The following HERC4 variants were observed in gnomAD, a reference collection of about 807,000 sequenced individuals.
HERC4 encodes the protein probable E3 ubiquitin-protein ligase HERC4.
A neutral mutation model predicts 124.3 loss-of-function variants in HERC4; 28 were observed. The ratio of observed to expected loss-of-function variants is 0.23; its 90% CI spans 0.17 to 0.31. HERC4 has a LOEUF of 0.31. HERC4 is among the 10% of genes least tolerant of loss of function. The probability of loss-of-function intolerance (pLI) is 1.00; values close to 1 mark genes in which losing one functional copy is unlikely to be tolerated. For synonymous variants in HERC4, 407 were observed against 421.5 expected, an observed-to-expected ratio of 0.97 and a Z score of 0.42; for missense variants, 713 against 1,229.3, an observed-to-expected ratio of 0.58 and a Z score of 6.28.
At position 67,932,788 on chromosome 10, in the gene HERC4, T is replaced by A; in HGVS notation, c.2655-8A>T. Reference sequence around the variant, plus strand: ...GCATCGACAAACTCTTGCCTAGAAATGAAAAAGCACACATGTACAGATTAT... The same window carrying A: ...GCATCGACAAACTCTTGCCTAGAAAAGAAAAAGCACACATGTACAGATTAT... On this transcript the variant is annotated splice_region_variant and splice_polypyrimidine_tract_variant and intron_variant, in intron 22 of 24. Transcript: ENST00000373700. 1 of 1,586,042 alleles carries A rather than the reference T, an allele frequency of 6.3e-7. No homozygotes were observed. The highest frequency in any genetic ancestry group is 8.5e-7 in the Non-Finnish European group (1 of 1,172,964).
chr10:68,032,626 T>A (rs1220783960), intron 7 of HERC4, 152 bp downstream of exon 7: 6 of 545,452 alleles, frequency 1.1e-5, no homozygotes, highest in Non-Finnish European at 2.0e-5. Flanking sequence ...TAAATTTTTT[T>A]CAAGAATAAT....
rs2034020006 is a variant in HERC4 at position 67,954,615 on chromosome 10, G to A, written c.2317C>T (p.Leu773Phe). 1.1e-5 allele frequency: 18 copies of A among 1,612,198 alleles called. No individual in the cohort carries two copies. In the South Asian group the frequency reaches 1.7e-4, roughly 15 times the overall value. ...TTTACCTTATCAGAAAACCAAATGA[G>A]CCTGGAATCTTCATAATACCTAAAC... ...GMFRYYEDSR[L>F]IWFSDKTFED... The change falls in exon 19 of 25, where the codon CTC (leucine) becomes TTC (phenylalanine). Residue 773 changes from leucine (L) to phenylalanine (F), a missense_variant. By Grantham distance (22) the Leu-to-Phe change is conservative (BLOSUM62 0). Coordinates refer to ENST00000373700, the MANE Select transcript of HERC4 (RefSeq NM_015601.4).
At chr10:68,054,975 T>C (rs1379198768) in intron 3 of HERC4, among the ~76,000 whole-genome samples, 1 of 152,146 alleles carries the variant, frequency 6.6e-6, no homozygotes. Flanking sequence ...CAGGCTGGAG[T>C]GCAGTGGCAC....
At chr10:68,022,500 AAAATAAATAAATAAATAAATAAAT>A (rs34560535) in intron 8 of HERC4, among the ~76,000 whole-genome samples, 2 of 143,916 alleles carry the variant, frequency 1.4e-5, no homozygotes, top group African/African-American at 5.2e-5. Context: ...ACTCCATCTC[AAAATAAATAAATAAATAAATAAAT>A]AAATAAATAA....
chr10:67,941,156 A>C, intron 19 of HERC4, 51 bp from the exon 20 acceptor site: 1 of 1,260,096 alleles, frequency 7.9e-7, no homozygotes, highest in Non-Finnish European at 1.1e-6. Context: ...AAAATATTAA[A>C]TTTTCTAAGA....
chr10:68,072,072 A>C lies in HERC4; in HGVS notation c.226+811T>G, dbSNP rs80000001. 9.3e-4 allele frequency among the ~76,000 whole-genome samples: 142 copies of C among 152,352 alleles called. 1 individual carries two copies. The East Asian group carries it at 0.016, about 17-fold the overall frequency. ...CTGAAGTGCCATTATTGTTACAGTT[A>C]AAATAAACAGTAAGTCAGTATAGCT... On this transcript the variant is annotated intron_variant, in intron 3 of 24. Coordinates refer to ENST00000373700, the MANE Select transcript of HERC4 (RefSeq NM_015601.4).
rs781112024 is a variant in HERC4 at position 67,925,095 on chromosome 10, T to C, written c.2931A>G (p.Lys977=). The change falls in exon 24 of 25, where the codon AAA becomes AAG. Residue 977 remains lysine (K), a synonymous_variant. Transcript: ENST00000373700. ...GTTAGAAATACTTACACAGAAACTG[T>C]TTCTTCTTTTCCAATGGTAATTCGT... ...VFHELPLEKK[K]QFLLFLTGSD... The C allele has an allele frequency of 6.4e-7, 1 of 1,566,404 alleles. No individual in the cohort carries two copies. The highest frequency in any genetic ancestry group is 1.1e-5 in the South Asian group (1 of 89,852).
chr10:68,073,194 A>T lies in HERC4; in HGVS notation c.-78-8T>A. 4.1e-6 allele frequency: 4 copies of T among 986,290 alleles called. No homozygotes were observed. The highest frequency in any genetic ancestry group is 6.1e-6 in the Non-Finnish European group (4 of 656,364). 61.1% of individuals were successfully genotyped at this position (986,290 alleles called of 1,614,324 possible). On this transcript the variant is annotated splice_polypyrimidine_tract_variant and splice_region_variant and intron_variant, in intron 2 of 24. Coordinates refer to ENST00000373700, the MANE Select transcript of HERC4 (RefSeq NM_015601.4). Reference sequence around the variant, plus strand: ...GTTGGAGGTACCCTATGTCTGAGGAAATAGAAAGAAGTTAATATGACTTCA... The same window carrying T: ...GTTGGAGGTACCCTATGTCTGAGGATATAGAAAGAAGTTAATATGACTTCA...
In HERC4 at chr10:68,072,767, C is replaced by T. The variant is rs186857526; in HGVS notation, c.226+116G>A. On this transcript the variant is annotated intron_variant, in intron 3 of 24. Transcript: ENST00000373700. ...ATATAATGGAAATACATAACTTCTACTTTGCTTTTAAAGCTTGATAAACAT... is the reference window on the plus strand; with the variant it reads ...ATATAATGGAAATACATAACTTCTATTTTGCTTTTAAAGCTTGATAAACAT... The T allele has an allele frequency of 5.9e-3, 3,892 of 659,946 alleles. 21 individuals carry two copies. Among genetic ancestry groups the T allele is most frequent in the Non-Finnish European group, 7.7e-3 (3,151 of 407,626 alleles). 40.9% of individuals were successfully genotyped at this position (659,946 alleles called of 1,614,324 possible).
intron 8 of HERC4, among the ~76,000 whole-genome samples, chr10:68,017,473 GTAAATAA>G (rs953775061): frequency 8.4e-4 from 128 of 152,258 alleles, no homozygotes; most frequent in African/African-American, 3.0e-3. Context: ...TAAATTTTAT[GTAAATAA>G]GTTTATTTAT....
intron 3 of HERC4, among the ~76,000 whole-genome samples, chr10:68,071,452 A>G (rs1051546777): frequency 6.6e-6 from 1 of 152,352 alleles, no homozygotes; most frequent in African/African-American, 2.4e-5. Context: ...AGAAATTATT[A>G]AAGTAATACA....
chr10:67,924,269 A>G (rs1023165927), intron 24 of HERC4, among the ~76,000 whole-genome samples: 1 of 152,206 alleles, frequency 6.6e-6, no homozygotes. Context: ...TTTACATTGT[A>G]TGAGGTATTA....
intron 3 of HERC4, among the ~76,000 whole-genome samples, chr10:68,065,663 C>A (rs1444651809): frequency 6.6e-6 from 1 of 152,066 alleles, no homozygotes; most frequent in East Asian, 1.9e-4. Flanking sequence ...ACTTCGAGAC[C>A]AGCTTGGGCA....
intron 8 of HERC4, among the ~76,000 whole-genome samples, chr10:68,015,103 A>C (rs913239514): frequency 2.0e-5 from 3 of 152,224 alleles, no homozygotes; most frequent in African/African-American, 7.2e-5. Context: ...CCTAATCTAT[A>C]GCTTGCTTTG....
intron 8 of HERC4, among the ~76,000 whole-genome samples, chr10:68,016,591 T>C (rs2038283814): frequency 2.0e-5 from 3 of 152,140 alleles, no homozygotes; most frequent in Non-Finnish European, 4.4e-5. Flanking sequence ...GACCTTGTGA[T>C]CTGCCCGCCC....
intron 9 of HERC4, among the ~76,000 whole-genome samples, chr10:67,995,548 T>C (rs2036819792): frequency 1.3e-5 from 2 of 151,960 alleles, no homozygotes; most frequent in Non-Finnish European, 2.9e-5. Context: ...ATTGTTTGTC[T>C]TATTTATCTA....
At chr10:67,997,785 C>A (rs2036976767) in intron 9 of HERC4, among the ~76,000 whole-genome samples, 1 of 151,918 alleles carries the variant, frequency 6.6e-6, no homozygotes, top group Non-Finnish European at 1.5e-5. Context: ...GAAATTAGGC[C>A]CTAATCCACC....
intron 15 of HERC4, among the ~76,000 whole-genome samples, chr10:67,974,972 T>G (rs2035493267): frequency 6.6e-6 from 1 of 152,018 alleles, no homozygotes; most frequent in Non-Finnish European, 1.5e-5. Context: ...GGTTGGATCA[T>G]GAGGTCAGGA....
intron 19 of HERC4, among the ~76,000 whole-genome samples, chr10:67,946,534 T>C (rs1409281006): frequency 1.3e-5 from 2 of 152,030 alleles, no homozygotes; most frequent in African/African-American, 4.8e-5. Flanking sequence ...ACAAAACAGA[T>C]GCAAGACAAA....
Sources: allele counts gnomAD v4.1 joint callset (sites outside exome capture counted in the v4.1 genomes callset), GRCh38; gene constraint gnomAD v4.1.1; transcripts MANE v1.5; gene names NCBI Gene and HGNC (gene_info 2026-07-23, HGNC 2026-07-21).